Variants in SLC9C1 observed in about 807,000 individuals in gnomAD.
The protein encoded by SLC9C1 is sodium/hydrogen exchanger 10.
In SLC9C1, 97 loss-of-function variants were observed where a neutral mutation model predicts 140.9. The observed-to-expected ratio is 0.69, with a 90% confidence interval of 0.58 to 0.82. The LOEUF (loss-of-function observed/expected upper bound fraction) is 0.82, where lower values mean the gene tolerates loss of function less well. SLC9C1 is among the 40% of genes least tolerant of loss of function. The pLI is 0.00. For missense variants in SLC9C1, 1,340 were observed against 1,389.3 expected (o/e 0.96, Z 0.56); for synonymous variants, 440 against 442.6 (o/e 0.99, Z 0.07).
intron 20 of SLC9C1, chr3:112,185,718 A>C: frequency 1.2e-5 from 19 of 1,540,070 alleles, no homozygotes; most frequent in Non-Finnish European, 1.7e-5. Context: ...CTCCTCGGAC[A>C]CGGCGGCCTT....
intron 23 of SLC9C1, among the ~76,000 whole-genome samples, chr3:112,172,261 A>G (rs2077260655): frequency 1.3e-5 from 2 of 152,048 alleles, no homozygotes; most frequent in African/African-American, 2.4e-5. Flanking sequence ...GAAATATTCT[A>G]TGGTTTTCAT....
chr3:112,195,818 A>T (rs2108012639), intron 20 of SLC9C1, among the ~76,000 whole-genome samples: 1 of 152,264 alleles, frequency 6.6e-6, no homozygotes, highest in East Asian at 1.9e-4. Context: ...GTCCAAAAAC[A>T]TGAAATATTT....
chr3:112,253,388 G>A (rs934876709), intron 10 of SLC9C1, among the ~76,000 whole-genome samples: 1 of 152,116 alleles, frequency 6.6e-6, no homozygotes, highest in African/African-American at 2.4e-5. Flanking sequence ...CATTGACAGA[G>A]AGCATGGCTG....
intron 20 of SLC9C1, chr3:112,185,825 C>T (rs563757311): frequency 2.5e-6 from 4 of 1,580,636 alleles, no homozygotes; most frequent in Non-Finnish European, 2.6e-6. Flanking sequence ...GGGGAGTGCC[C>T]TCCTCCTCGT....
At chr3:112,232,945 A>C (rs1560101691) in intron 12 of SLC9C1, among the ~76,000 whole-genome samples, 1 of 151,440 alleles carries the variant, frequency 6.6e-6, no homozygotes, top group African/African-American at 2.4e-5. Context: ...TTAGATACAC[A>C]ATAGCCTAAA....
At chr3:112,155,776 A>G (rs911373720) in intron 26 of SLC9C1, among the ~76,000 whole-genome samples, 1 of 152,100 alleles carries the variant, frequency 6.6e-6, no homozygotes. Flanking sequence ...GAAAGAGCAG[A>G]CGGTGAAGGG....
At chr3:112,287,894 T>TA (rs1411570850) in intron 1 of SLC9C1, among the ~76,000 whole-genome samples, 1 of 151,794 alleles carries the variant, frequency 6.6e-6, no homozygotes, top group Non-Finnish European at 1.5e-5. Flanking sequence ...ATACAAAAAA[T>TA]TAGCCGGGCA....
At chr3:112,213,747 A>C (rs2078275094) in intron 15 of SLC9C1, among the ~76,000 whole-genome samples, 1 of 152,212 alleles carries the variant, frequency 6.6e-6, no homozygotes, top group Non-Finnish European at 1.5e-5. Context: ...AGACTCCCAC[A>C]CAATAATAAT....
chr3:112,185,748 G>C (rs2077524395), intron 20 of SLC9C1: 3 of 1,540,632 alleles, frequency 1.9e-6, no homozygotes, highest in East Asian at 2.4e-5. Flanking sequence ...CCGGCCTGCC[G>C]GGCTGTCCTT....
At chr3:112,218,291 C>T (rs1032310075) in intron 14 of SLC9C1, among the ~76,000 whole-genome samples, 4 of 151,498 alleles carry the variant, frequency 2.6e-5, no homozygotes, top group South Asian at 2.1e-4. Context: ...ATACTTTCAT[C>T]GTCATGATCA....
chr3:112,291,978 G>A (rs1471756942), intron 1 of SLC9C1, among the ~76,000 whole-genome samples: 1 of 152,212 alleles, frequency 6.6e-6, no homozygotes, highest in Non-Finnish European at 1.5e-5. Context: ...GAACATGGAT[G>A]GAGCTGGAAG....
At chr3:112,146,688 T>C (rs1393169868) in intron 28 of SLC9C1, among the ~76,000 whole-genome samples, 3 of 152,208 alleles carry the variant, frequency 2.0e-5, no homozygotes, top group Non-Finnish European at 4.4e-5. Flanking sequence ...TGGTATGATT[T>C]TGATTCTTTT....
At chr3:112,233,026 T>TACACACACACACACAC (rs60551268) in intron 12 of SLC9C1, among the ~76,000 whole-genome samples, 10 of 134,418 alleles carry the variant, frequency 7.4e-5, no homozygotes, top group African/African-American at 2.6e-4. Context: ...TTCACTTTCA[T>TACACACACACACACAC]ACACACACAC....
At chr3:112,272,788 TGGAGGCAAGG>T (rs1468432880) in intron 6 of SLC9C1, among the ~76,000 whole-genome samples, 1 of 152,176 alleles carries the variant, frequency 6.6e-6, no homozygotes, top group Admixed American at 6.6e-5. Flanking sequence ...GCAAGCTCTA[TGGAGGCAAGG>T]GGATTTTGCT....
Position 112,179,550 on chromosome 3 carries a change from G to C in SLC9C1, c.2900C>G (p.Thr967Ser). 6.2e-7 allele frequency: 1 copy of C among 1,604,060 alleles called. No homozygotes were observed. Among genetic ancestry groups the C allele is most frequent in the Admixed American group, 1.7e-5 (1 of 58,214 alleles). Reference sequence around the variant, plus strand: ...TCTGACCTCCACTACAGTTTTGCAGGTGGCAGAATATTTCATAGGTTCATT... The same window carrying C: ...TCTGACCTCCACTACAGTTTTGCAGCTGGCAGAATATTTCATAGGTTCATT... ...LTNEPMKYSA[T>S]CKTVVETCFI... The change falls in exon 23 of 29, where the codon ACC (threonine) becomes AGC (serine). Residue 967 changes from threonine (T) to serine (S), a missense_variant. Thr to Ser is a moderately conservative substitution (Grantham distance 58). Coordinates refer to ENST00000305815, the MANE Select transcript of SLC9C1 (RefSeq NM_183061.3).
At chr3:112,184,797 A>G (rs1277307219) in intron 20 of SLC9C1, among the ~76,000 whole-genome samples, 1 of 152,164 alleles carries the variant, frequency 6.6e-6, no homozygotes, top group African/African-American at 2.4e-5. Flanking sequence ...ACTGACTCAA[A>G]GCTCAGGGGT....
intron 12 of SLC9C1, among the ~76,000 whole-genome samples, chr3:112,235,516 A>C (rs919641305): frequency 3.2e-4 from 48 of 150,670 alleles, no homozygotes; most frequent in Admixed American, 1.5e-3. Context: ...ACTATGTTGA[A>C]TAGGAGTGGT....
In SLC9C1 at chr3:112,195,081, A is replaced by G. The variant is rs146488228; in HGVS notation, c.2523+4240T>C. ...TTCCTCTCATTCTTTGGGTCGTTTT[A>G]CTCTGTAATAGTGGTTTTTGATGCA... On this transcript the variant is annotated intron_variant, in intron 20 of 28. Coordinates refer to ENST00000305815, the MANE Select transcript of SLC9C1 (RefSeq NM_183061.3). 5.5e-3 allele frequency among the ~76,000 whole-genome samples: 831 copies of G among 152,066 alleles called. 27 individuals are homozygous for G. The highest frequency in any genetic ancestry group is 0.043 in the Admixed American group (654 of 15,276).
At chr3:112,186,020 G>A in intron 20 of SLC9C1, 1 of 1,456,936 alleles carries the variant, frequency 6.9e-7, no homozygotes, top group Non-Finnish European at 9.2e-7. Context: ...CTTTTCTTAT[G>A]TGTATTAGCC....
Sources: allele counts gnomAD v4.1 joint callset (sites outside exome capture counted in the v4.1 genomes callset), GRCh38; gene constraint gnomAD v4.1.1; transcripts MANE v1.5; gene names NCBI Gene and HGNC (gene_info 2026-07-23, HGNC 2026-07-21).